Variants in LTBP2 observed in about 807,000 individuals in gnomAD.
LTBP2 encodes latent-transforming growth factor beta-binding protein 2.
LTBP2 carries 103 observed loss-of-function variants against 210.6 expected under a neutral mutation model. The observed-to-expected ratio is 0.49, with a 90% CI of 0.42 to 0.58. The LOEUF (loss-of-function observed/expected upper bound fraction) is 0.58, where lower values mean the gene tolerates loss of function less well. Ranked by LOEUF, LTBP2 falls within the 20% of genes least tolerant of loss-of-function variation. The pLI, the probability that LTBP2 is intolerant of heterozygous loss-of-function variation, is 0.00. For synonymous variants in LTBP2, 1,007 were observed against 1,015.0 expected (o/e 0.99, Z 0.15); for missense variants, 2,313 against 2,494.5 (o/e 0.93, Z 1.55).
At chr14:74,569,046 G>T (rs1453675592) in intron 3 of LTBP2, among the ~76,000 whole-genome samples, 1 of 152,090 alleles carries the variant, frequency 6.6e-6, no homozygotes, top group Non-Finnish European at 1.5e-5. Context: ...CTTCCCAAGG[G>T]CTGGGTGTGC....
chr14:74,602,427 T>A (rs886092424), intron 2 of LTBP2, among the ~76,000 whole-genome samples: 1 of 152,170 alleles, frequency 6.6e-6, no homozygotes, highest in Non-Finnish European at 1.5e-5. Flanking sequence ...CACCTCCAGT[T>A]CACAGATGCA....
At chr14:74,562,206 G>A (rs957859928) in intron 3 of LTBP2, among the ~76,000 whole-genome samples, 9 of 150,490 alleles carry the variant, frequency 6.0e-5, no homozygotes, top group Non-Finnish European at 1.2e-4. Context: ...GTGAGACTCC[G>A]TCTCAGAAAA....
chr14:74,575,554 A>G (rs2088046880), intron 3 of LTBP2, among the ~76,000 whole-genome samples: 1 of 152,220 alleles, frequency 6.6e-6, no homozygotes, highest in South Asian at 2.1e-4. Context: ...GGTCCAATGC[A>G]GAACAGCAGG....
rs59313477 is a variant in LTBP2, at chr14:74,604,164, C to CAAAAAAAAAAAAAAA, written c.495-474_495-460dup. ...GCTCCAACTCTACATTGCCTCTCAC[C>CAAAAAAAAAAAAAAA]AAAAAAAAAAAAAAAAAAAACCACA... On this transcript the variant is annotated intron_variant, in intron 1 of 35. Coordinates refer to ENST00000261978, the MANE Select transcript of LTBP2 (RefSeq NM_000428.3). 3.6e-4 allele frequency among the ~76,000 whole-genome samples: 26 copies of CAAAAAAAAAAAAAAA among 72,726 alleles called. 1 individual carries two copies. The highest frequency in any genetic ancestry group is 1.7e-3 in the African/African-American group (23 of 13,432). The allele number at this position is 72,726 out of a possible 152,430, so 47.7% of individuals were successfully genotyped here. A position where few individuals can be genotyped will look rare whatever the true frequency, so the allele number is the denominator to read the frequency against.
chr14:74,561,178 C>T (rs182038998), intron 3 of LTBP2, among the ~76,000 whole-genome samples: 32 of 152,082 alleles, frequency 2.1e-4, no homozygotes, highest in South Asian at 6.2e-4. Context: ...ATTAGCCGGG[C>T]GTGGTGGTGG....
chr14:74,604,164 C>CAAAAAAAAAAAAAAAAAA lies in LTBP2; in HGVS notation c.495-477_495-460dup, dbSNP rs59313477. On this transcript the variant is annotated intron_variant, in intron 1 of 35. Transcript: ENST00000261978. Reference sequence around the variant, plus strand: ...GCTCCAACTCTACATTGCCTCTCACCAAAAAAAAAAAAAAAAAAAACCACA... The same window carrying CAAAAAAAAAAAAAAAAAA: ...GCTCCAACTCTACATTGCCTCTCACCAAAAAAAAAAAAAAAAAAAAAAAAAAAAAAAAAAAAAACCACA... Among the ~76,000 whole-genome samples the CAAAAAAAAAAAAAAAAAA allele has an allele frequency of 3.7e-4, 27 of 72,738 alleles. 1 individual carries two copies. The highest frequency in any genetic ancestry group is 1.3e-3 in the African/African-American group (17 of 13,438). The allele number at this position is 72,738 out of a possible 152,430, so 47.7% of individuals were successfully genotyped here.
intron 11 of LTBP2, 97 bp downstream of exon 11, chr14:74,528,861 G>A (rs2087312308): frequency 2.6e-6 from 4 of 1,547,250 alleles, no homozygotes; most frequent in African/African-American, 1.4e-5. Context: ...GGCTACTTCA[G>A]TCTTCCAGAT....
At chr14:74,533,223 T>G (rs1200082252) in intron 9 of LTBP2, among the ~76,000 whole-genome samples, 1 of 152,248 alleles carries the variant, frequency 6.6e-6, no homozygotes, top group Non-Finnish European at 1.5e-5. Flanking sequence ...CCCCATTTAA[T>G]TCTCACAAAC....
chr14:74,550,317 A>T (rs991700821), intron 7 of LTBP2, among the ~76,000 whole-genome samples: 1 of 152,200 alleles, frequency 6.6e-6, no homozygotes, highest in African/African-American at 2.4e-5. Flanking sequence ...GGTCACCCAC[A>T]GAGTGGGCCT....
Position 74,586,668 on chromosome 14 carries a change from G to A in LTBP2, c.566-550C>T, listed in dbSNP as rs1047470484. ...TTGACTTCACTGAGCCTCTATTTGCGCCTAAATCACGGGAGGGGTGAACTA... is the reference window on the plus strand; with the variant it reads ...TTGACTTCACTGAGCCTCTATTTGCACCTAAATCACGGGAGGGGTGAACTA... On this transcript the variant is annotated intron_variant, in intron 2 of 35. Transcript: ENST00000261978. This position sits in a 1 kb window ranked among gnomAD's most constrained non-coding sequence, Gnocchi z 4.6. 3.3e-5 allele frequency among the ~76,000 whole-genome samples: 5 copies of A among 152,112 alleles called. No individual in the cohort carries two copies. Among genetic ancestry groups the A allele is most frequent in the East Asian group, 1.9e-4 (1 of 5,184 alleles).
At chr14:74,607,779 T>C (rs987865748) in intron 1 of LTBP2, among the ~76,000 whole-genome samples, 15 of 152,142 alleles carry the variant, frequency 9.9e-5, no homozygotes, top group African/African-American at 3.6e-4. Flanking sequence ...TGTAAAAACA[T>C]CTATTGGAAT....
intron 2 of LTBP2, among the ~76,000 whole-genome samples, chr14:74,594,969 C>T (rs114315344): frequency 1.7e-3 from 253 of 152,354 alleles, no homozygotes; most frequent in African/African-American, 5.6e-3. Flanking sequence ...GTGCCAGGAC[C>T]ATGGCTCAGG....
At chr14:74,601,408 A>C (rs1157934310) in intron 2 of LTBP2, among the ~76,000 whole-genome samples, 4 of 152,166 alleles carry the variant, frequency 2.6e-5, no homozygotes, top group Non-Finnish European at 5.9e-5. Flanking sequence ...TAATTAAATA[A>C]AAATAAATAA....
intron 34 of LTBP2, chr14:74,501,844 G>A (rs2086914853): frequency 9.1e-6 from 5 of 547,498 alleles, no homozygotes; most frequent in African/African-American, 1.9e-5. Context: ...GCTGAGACTC[G>A]CTGCTTCCAC....
At chr14:74,555,762 G>A (rs1324419051) in intron 3 of LTBP2, 69 bp from the exon 4 acceptor site, 6 of 1,194,302 alleles carry the variant, frequency 5.0e-6, no homozygotes, top group Non-Finnish European at 6.8e-6. Flanking sequence ...TCCTCATCCA[G>A]CCACCCACTC....
intron 2 of LTBP2, among the ~76,000 whole-genome samples, chr14:74,596,351 C>T (rs1001875594): frequency 4.6e-5 from 7 of 152,112 alleles, no homozygotes; most frequent in African/African-American, 1.4e-4. Flanking sequence ...AGAACAAGGC[C>T]GGTGGGGGCC....
rs1172404946 is a variant in LTBP2 at position 74,604,869 on chromosome 14, TCC to T, written c.495-1166_495-1165del. 9.8e-4 allele frequency among the ~76,000 whole-genome samples: 149 copies of T among 152,168 alleles called. 1 individual carries two copies. The highest frequency in any genetic ancestry group is 3.4e-3 in the African/African-American group (143 of 41,496). On this transcript the variant is annotated intron_variant, in intron 1 of 35. Coordinates refer to ENST00000261978, the MANE Select transcript of LTBP2 (RefSeq NM_000428.3). ...TACAGTGCTGGGGCATTCACTCAGCTCCCCAAACTTTGCTTCCGGGTGTCTGG... is the reference window on the plus strand; with the variant it reads ...TACAGTGCTGGGGCATTCACTCAGCTCCAAACTTTGCTTCCGGGTGTCTGG...
intron 2 of LTBP2, among the ~76,000 whole-genome samples, chr14:74,590,550 C>T (rs1286524877): frequency 6.6e-6 from 1 of 152,036 alleles, no homozygotes; most frequent in Admixed American, 6.5e-5. Flanking sequence ...CGAGATCGTG[C>T]TACTGCACTC....
chr14:74,506,757 G>A lies in LTBP2; in HGVS notation c.3974C>T (p.Ser1325Phe), dbSNP rs2086991677. ...GCCCTGGTCACAGAGGCAGCGGAAG[G>A]AGCCATCAGTGTTGTCACAGAAGCC... ...SHGFCDNTDG[S>F]FRCLCDQGFE... Residue 1325 changes from serine to phenylalanine, a missense_variant, in exon 27 of 36, where the codon TCC (serine) becomes TTC (phenylalanine). Ser to Phe is a radical substitution (Grantham distance 155). This residue lies in a region of LTBP2 where 1,867 missense variants were observed against 1,976.9 expected (regional missense o/e 0.94). Coordinates refer to ENST00000261978, the MANE Select transcript of LTBP2 (RefSeq NM_000428.3). 2 of 1,613,938 alleles carry A rather than the reference G, an allele frequency of 1.2e-6. No homozygotes were observed. The highest frequency in any genetic ancestry group is 1.3e-5 in the African/African-American group (1 of 74,952).
Sources: allele counts gnomAD v4.1 joint callset (sites outside exome capture counted in the v4.1 genomes callset), GRCh38; gene constraint gnomAD v4.1.1; regional missense constraint gnomAD v4.1.1; non-coding constraint Gnocchi (gnomAD v3.1); transcripts MANE v1.5; gene names NCBI Gene and HGNC (gene_info 2026-07-23, HGNC 2026-07-21).